Variants in HIP1 observed in about 807,000 individuals in gnomAD.
The protein encoded by HIP1 is huntingtin-interacting protein 1.
A neutral mutation model predicts 147.6 loss-of-function variants in HIP1; 65 were observed. The ratio of observed to expected loss-of-function variants is 0.44; its 90% CI spans 0.36 to 0.54. The LOEUF is 0.54. Among genes scored for constraint, HIP1 ranks in the 20% least tolerant of loss-of-function variants. HIP1 has a pLI of 0.00. For missense variants in HIP1, 1,061 were observed against 1,299.6 expected, an observed-to-expected ratio of 0.82 and a Z score of 2.82; for synonymous variants, 479 against 504.0, an observed-to-expected ratio of 0.95 and a Z score of 0.67.
chr7:75,671,780 G>C (rs1799736513), intron 1 of HIP1, among the ~76,000 whole-genome samples: 1 of 128,798 alleles, frequency 7.8e-6, no homozygotes, highest in African/African-American at 3.0e-5. Flanking sequence ...GCTCTACCAG[G>C]CTGGAGTGTA....
chr7:75,609,222 T>C (rs149320078), intron 1 of HIP1, among the ~76,000 whole-genome samples: 26 of 152,192 alleles, frequency 1.7e-4, no homozygotes, highest in African/African-American at 5.8e-4. Flanking sequence ...GTGCCCCAGT[T>C]CCCCAAGCAA....
chr7:75,637,067 T>C (rs577575564), intron 1 of HIP1, among the ~76,000 whole-genome samples: 4 of 152,272 alleles, frequency 2.6e-5, no homozygotes, highest in African/African-American at 9.6e-5. Flanking sequence ...CAGACCCCCA[T>C]GGTCCTCAAA....
intron 1 of HIP1, among the ~76,000 whole-genome samples, chr7:75,641,678 G>A (rs1798659429): frequency 6.6e-6 from 1 of 151,402 alleles, no homozygotes; most frequent in Non-Finnish European, 1.5e-5. Flanking sequence ...TGTATTTATA[G>A]TAGAGACGGG....
At chr7:75,694,487 TTTTTC>T (rs1360075478) in intron 1 of HIP1, among the ~76,000 whole-genome samples, 2 of 149,240 alleles carry the variant, frequency 1.3e-5, no homozygotes, top group Non-Finnish European at 3.0e-5. Context: ...TCTTTTTTTC[TTTTTC>T]TTTTCTTTCT....
At chr7:75,611,616 G>A in intron 1 of HIP1, 1 of 984,784 alleles carries the variant, frequency 1.0e-6, no homozygotes, top group Non-Finnish European at 1.2e-6. Context: ...CCAATGCCTG[G>A]GGGCCCCTCC....
intron 22 of HIP1, among the ~76,000 whole-genome samples, chr7:75,551,795 C>A (rs1375815017): frequency 6.6e-6 from 1 of 152,074 alleles, no homozygotes; most frequent in Non-Finnish European, 1.5e-5. Flanking sequence ...GTCTCAAATT[C>A]CTGGCCTCAA....
At chr7:75,614,940 T>C (rs1350892537) in intron 1 of HIP1, among the ~76,000 whole-genome samples, 3 of 151,942 alleles carry the variant, frequency 2.0e-5, no homozygotes, top group African/African-American at 7.2e-5. Flanking sequence ...GCCTGGCTAA[T>C]TTTTGTATTT....
intron 6 of HIP1, among the ~76,000 whole-genome samples, chr7:75,581,560 C>A (rs942392636): frequency 1.3e-5 from 2 of 152,196 alleles, no homozygotes; most frequent in African/African-American, 4.8e-5. Flanking sequence ...GGGCGGATCA[C>A]CTGAGGTCAG....
intron 1 of HIP1, among the ~76,000 whole-genome samples, chr7:75,602,815 C>T (rs1448566166): frequency 6.7e-6 from 1 of 150,198 alleles, no homozygotes; most frequent in Non-Finnish European, 1.5e-5. Context: ...CCCCCCACCC[C>T]GTACCTATGA....
intron 1 of HIP1, among the ~76,000 whole-genome samples, chr7:75,692,990 C>G: frequency 6.6e-6 from 1 of 151,762 alleles, no homozygotes; most frequent in Non-Finnish European, 1.5e-5. Flanking sequence ...CATGGCGAAG[C>G]TTGATCTCTA....
chr7:75,635,450 C>T (rs931937813), intron 1 of HIP1, among the ~76,000 whole-genome samples: 7 of 151,984 alleles, frequency 4.6e-5, no homozygotes, highest in South Asian at 2.1e-4. Flanking sequence ...TGGTGGCGGG[C>T]GCCTGTAATC....
Position 75,563,273 on chromosome 7 carries a change from G to A in HIP1, c.804-10C>T. 1 of 1,613,818 alleles carries A rather than the reference G, an allele frequency of 6.2e-7. No individual in the cohort carries two copies. Among genetic ancestry groups the A allele is most frequent in the Non-Finnish European group, 8.5e-7 (1 of 1,179,704 alleles). ...GAACAGATCTTTCAACCTAGGGGTG[G>A]AGAAGGACCTGAGGGGTGCTGGGTG... On this transcript the variant is annotated splice_polypyrimidine_tract_variant and intron_variant, in intron 9 of 30. Coordinates refer to ENST00000336926, the MANE Select transcript of HIP1 (RefSeq NM_005338.7).
chr7:75,705,116 A>G (rs1554519544), intron 1 of HIP1, among the ~76,000 whole-genome samples: 1 of 152,194 alleles, frequency 6.6e-6, no homozygotes, highest in East Asian at 1.9e-4. Flanking sequence ...ACCGCTATCC[A>G]TCGGCAGAAC....
intron 1 of HIP1, among the ~76,000 whole-genome samples, chr7:75,669,056 TAAAACAAAC>T (rs1554514939): frequency 6.9e-6 from 1 of 145,724 alleles, no homozygotes; most frequent in East Asian, 2.1e-4. Context: ...CGTTTCTACT[TAAAACAAAC>T]AAACAAACAA....
rs11438714 is a variant in HIP1 at position 75,560,953 on chromosome 7, A to ATT, written c.1191+374_1191+375dup. 6.3e-3 allele frequency among the ~76,000 whole-genome samples: 888 copies of ATT among 140,054 alleles called. 7 individuals are homozygous for ATT. The highest frequency in any genetic ancestry group is 0.013 in the African/African-American group (501 of 37,622). 91.9% of individuals were successfully genotyped at this position (140,054 alleles called of 152,430 possible). A position where few individuals can be genotyped will look rare whatever the true frequency, so the allele number is the denominator to read the frequency against. ...GTCCAAAAACTGTCTAGGTGATGCA[A>ATT]TTTTTTTTTTTTTTTTTGAGACAGA... On this transcript the variant is annotated intron_variant, in intron 13 of 30. Transcript: ENST00000336926.
chr7:75,722,145 A>T (rs571071722), intron 1 of HIP1, among the ~76,000 whole-genome samples: 1 of 152,140 alleles, frequency 6.6e-6, no homozygotes, highest in Non-Finnish European at 1.5e-5. Context: ...CACGTCTCTA[A>T]GAAAAACGTT....
chr7:75,608,749 C>T (rs782761632), intron 1 of HIP1, among the ~76,000 whole-genome samples: 43 of 152,308 alleles, frequency 2.8e-4, no homozygotes, highest in African/African-American at 1.0e-3. Flanking sequence ...AGAAGAGAGG[C>T]AACCTCTCTG....
At chr7:75,659,964 A>G (rs1554513341) in intron 1 of HIP1, among the ~76,000 whole-genome samples, 1 of 151,442 alleles carries the variant, frequency 6.6e-6, no homozygotes, top group Non-Finnish European at 1.5e-5. Context: ...GGTCTCTACT[A>G]AAAATACAAA....
intron 1 of HIP1, among the ~76,000 whole-genome samples, chr7:75,668,346 CAG>C (rs1180783730): frequency 3.9e-5 from 6 of 152,244 alleles, no homozygotes; most frequent in Non-Finnish European, 7.4e-5. Context: ...GTTTTTGAGA[CAG>C]AGTTTCACTC....
Sources: gnomAD v4.1 joint callset for allele counts (sites outside exome capture counted in the v4.1 genomes callset) on GRCh38, gnomAD v4.1.1 for gene constraint, MANE v1.5 for transcripts, NCBI Gene and HGNC (gene_info 2026-07-23, HGNC 2026-07-21) for gene names.